ZNF438: variants seen among roughly 807,000 people sequenced by gnomAD.
The protein encoded by ZNF438 is zinc finger protein 438.
In ZNF438, 25 loss-of-function variants were observed where a neutral mutation model predicts 38.0. The observed-to-expected ratio is 0.66, with a 90% CI of 0.48 to 0.92. The LOEUF (loss-of-function observed/expected upper bound fraction) is 0.92, where lower values mean the gene tolerates loss of function less well. Among genes scored for constraint, ZNF438 ranks in the 40% least tolerant of loss-of-function variants. ZNF438 has a pLI of 0.00. For missense variants in ZNF438, 1,007 were observed against 999.6 expected (o/e 1.01, Z -0.10); for synonymous variants, 372 against 364.1 (o/e 1.02, Z -0.25).
intron 1 of ZNF438, among the ~76,000 whole-genome samples, chr10:30,965,544 G>A (rs1347860005): frequency 2.6e-5 from 4 of 152,064 alleles, no homozygotes; most frequent in South Asian, 4.2e-4. Context: ...CAAAGAAAAC[G>A]TGGTATATAT....
chr10:30,948,518 C>T (rs376689059), intron 1 of ZNF438, among the ~76,000 whole-genome samples: 8 of 152,022 alleles, frequency 5.3e-5, no homozygotes, highest in Middle Eastern at 3.4e-3. Context: ...TTTAGACGAA[C>T]GTATAACTAG....
At chr10:31,016,814 T>C (rs1400327883) in intron 1 of ZNF438, among the ~76,000 whole-genome samples, 2 of 152,244 alleles carry the variant, frequency 1.3e-5, no homozygotes, top group African/African-American at 2.4e-5. Flanking sequence ...ATACAATTTC[T>C]TTGTAGGGGT....
intron 1 of ZNF438, among the ~76,000 whole-genome samples, chr10:30,957,534 T>C (rs1227856104): frequency 6.6e-6 from 1 of 152,192 alleles, no homozygotes; most frequent in Non-Finnish European, 1.5e-5. Context: ...CCATTTTGAG[T>C]TGATGTTGGT....
At chr10:30,850,402 T>A in intron 4 of ZNF438, 35 bp from the exon 6 acceptor site, 4 of 1,572,796 alleles carry the variant, frequency 2.5e-6, no homozygotes, top group African/African-American at 1.3e-5. Flanking sequence ...AGTTACTGTA[T>A]GTAACTGTTC....
At chr10:30,990,865 T>C (rs1464726563) in intron 1 of ZNF438, among the ~76,000 whole-genome samples, 1 of 151,868 alleles carries the variant, frequency 6.6e-6, no homozygotes, top group Non-Finnish European at 1.5e-5. Context: ...GATATATCTT[T>C]TTTTTTTTAA....
At chr10:31,000,251 C>A (rs758049224) in intron 1 of ZNF438, among the ~76,000 whole-genome samples, 1 of 152,154 alleles carries the variant, frequency 6.6e-6, no homozygotes, top group Non-Finnish European at 1.5e-5. Context: ...AATGACATCA[C>A]CATCTAGCCA....
chr10:30,944,506 G>A (rs576591765), intron 1 of ZNF438, among the ~76,000 whole-genome samples: 1 of 152,128 alleles, frequency 6.6e-6, no homozygotes, highest in Non-Finnish European at 1.5e-5. Flanking sequence ...ACTATATGGG[G>A]GTTGGGTTGA....
intron 1 of ZNF438, among the ~76,000 whole-genome samples, chr10:30,947,590 A>C (rs903840322): frequency 6.6e-6 from 1 of 152,200 alleles, no homozygotes; most frequent in Admixed American, 6.5e-5. Context: ...TTACCTAATC[A>C]AGCCTGGGCA....
chr10:30,936,740 G>A (rs544206954), intron 2 of ZNF438, among the ~76,000 whole-genome samples: 3 of 152,250 alleles, frequency 2.0e-5, no homozygotes, highest in South Asian at 2.1e-4. Context: ...TGTCATGGAC[G>A]AAGACCATGG....
intron 2 of ZNF438, among the ~76,000 whole-genome samples, chr10:30,931,815 C>T (rs921767374): frequency 6.6e-6 from 1 of 152,124 alleles, no homozygotes; most frequent in African/African-American, 2.4e-5. Context: ...TATGTAAAGT[C>T]TATGTGGAAA....
intron 1 of ZNF438, among the ~76,000 whole-genome samples, chr10:30,948,545 A>C (rs1397853345): frequency 6.6e-6 from 1 of 151,830 alleles, no homozygotes; most frequent in Non-Finnish European, 1.5e-5. Flanking sequence ...CAATACAGAG[A>C]AGTGCTTAAA....
At chr10:30,899,273 A>G (rs897091079) in intron 3 of ZNF438, among the ~76,000 whole-genome samples, 4 of 152,258 alleles carry the variant, frequency 2.6e-5, no homozygotes, top group African/African-American at 7.2e-5. Context: ...TCAAGGGGAA[A>G]GAAGATGCTA....
chr10:30,976,637 C>T (rs1335791486), intron 1 of ZNF438, among the ~76,000 whole-genome samples: 1 of 151,762 alleles, frequency 6.6e-6, no homozygotes, highest in Admixed American at 6.6e-5. Context: ...ACCAGCTAGC[C>T]AGGAGGATTG....
intron 1 of ZNF438, among the ~76,000 whole-genome samples, chr10:31,008,623 T>G (rs981295961): frequency 1.2e-4 from 18 of 152,372 alleles, no homozygotes; most frequent in Admixed American, 1.0e-3. Context: ...ATGCTTTTAA[T>G]GCTGAATAAT....
At chr10:30,968,434 CTTTTTTT>C (rs546132410) in intron 1 of ZNF438, among the ~76,000 whole-genome samples, 32 of 103,650 alleles carry the variant, frequency 3.1e-4, no homozygotes, top group South Asian at 1.2e-3. Flanking sequence ...TGAATGTAAA[CTTTTTTT>C]TTTTTTTTTT....
intron 1 of ZNF438, among the ~76,000 whole-genome samples, chr10:30,952,454 G>A (rs1163552292): frequency 1.3e-5 from 2 of 152,122 alleles, no homozygotes; most frequent in African/African-American, 4.8e-5. Flanking sequence ...TACCATCAGA[G>A]TGAACAGGCA....
At chr10:30,993,959 T>C (rs1392756093) in intron 1 of ZNF438, among the ~76,000 whole-genome samples, 1 of 152,268 alleles carries the variant, frequency 6.6e-6, no homozygotes, top group African/African-American at 2.4e-5. Flanking sequence ...GGTTTTCGTT[T>C]TACATGGGAT....
At chr10:30,945,673 A>G (rs2135607564) in intron 1 of ZNF438, among the ~76,000 whole-genome samples, 1 of 136,990 alleles carries the variant, frequency 7.3e-6, no homozygotes, top group Admixed American at 7.5e-5. Context: ...TGTTCTTGCG[A>G]CAGTTTACTG....
chr10:31,020,164 C>A (rs2056486921), intron 1 of ZNF438, among the ~76,000 whole-genome samples: 1 of 152,092 alleles, frequency 6.6e-6, no homozygotes, highest in Non-Finnish European at 1.5e-5. Context: ...ATGCTAGTAA[C>A]CATATTCAGG....
Sources: gnomAD v4.1 joint callset for allele counts (sites outside exome capture counted in the v4.1 genomes callset) on GRCh38, gnomAD v4.1.1 for gene constraint, MANE v1.5 for transcripts, NCBI Gene and HGNC (gene_info 2026-07-23, HGNC 2026-07-21) for gene names.